Variants in IFT27 observed in about 807,000 individuals in gnomAD.
The protein encoded by IFT27 is intraflagellar transport protein 27 homolog.
IFT27 carries 19 observed loss-of-function variants against 23.9 expected under a neutral mutation model. The observed-to-expected ratio is 0.79, with a 90% CI of 0.55 to 1.16. IFT27 has a LOEUF of 1.16. Ranked by LOEUF, IFT27 falls within the 50% of genes most tolerant of loss-of-function variation. IFT27 has a pLI of 0.00. For synonymous variants in IFT27, 91 were observed against 89.1 expected (o/e 1.02, Z -0.12); for missense variants, 206 against 228.7 (o/e 0.90, Z 0.64).
chr22:36,763,237 G>C, intron 5 of IFT27: 1 of 434,832 alleles, frequency 2.3e-6, no homozygotes, highest in Non-Finnish European at 4.1e-6. Context: ...ACTTCTGCTA[G>C]GTCTTTTTCT....
intron 4 of IFT27, 104 bp from the exon 5 acceptor site, chr22:36,764,140 G>A: frequency 2.5e-6 from 2 of 788,728 alleles, no homozygotes; most frequent in Non-Finnish European, 2.2e-6. Context: ...GGGAGCAGAG[G>A]GAAACAAGAA....
At chr22:36,774,619 C>T (rs1938458560) in intron 1 of IFT27, among the ~76,000 whole-genome samples, 1 of 151,166 alleles carries the variant, frequency 6.6e-6, no homozygotes, top group South Asian at 2.1e-4. Context: ...ACCAGTCTGG[C>T]CAACATGGTG....
Position 36,767,308 on chromosome 22 carries a change from C to T in IFT27, c.172G>A (p.Val58Met), listed in dbSNP as rs1364304927. 1.2e-6 allele frequency: 2 copies of T among 1,613,780 alleles called. No homozygotes were observed. The highest frequency in any genetic ancestry group is 2.2e-5 in the South Asian group (2 of 91,052). The change falls in exon 3 of 7, where the codon GTG (valine) becomes ATG (methionine). Residue 58 changes from valine (V) to methionine (M), a missense_variant and splice_region_variant. By Grantham distance (21) the Val-to-Met change is conservative. Transcript: ENST00000433985. ...TVPVPDTGDSVELFIFDSAGK... is the reference protein window; with the variant it reads ...TVPVPDTGDSMELFIFDSAGK... ...CCCTGGGTAAAGGCATCACTCACCA[C>T]ACTGTCTCCCGTGTCAGGAACTGGC...
At chr22:36,764,173 A>G in intron 4 of IFT27, 137 bp from the exon 5 acceptor site, 1 of 681,332 alleles carries the variant, frequency 1.5e-6, no homozygotes, top group Non-Finnish European at 2.6e-6. Context: ...ACACCCCCAG[A>G]TGTCCAACAA....
intron 1 of IFT27, 96 bp from the exon 2 acceptor site, chr22:36,767,958 A>C (rs1938297074): frequency 1.1e-5 from 12 of 1,140,396 alleles, no homozygotes; most frequent in African/African-American, 1.5e-5. Flanking sequence ...CAAAAACTTC[A>C]ATGAGTTTTG....
intron 6 of IFT27, chr22:36,759,336 G>A (rs560276383): frequency 2.7e-4 from 41 of 152,296 alleles, no homozygotes; most frequent in African/African-American, 9.6e-4. Context: ...ACCCAGGGCT[G>A]GGCACTTTAA....
intron 3 of IFT27, 155 bp from the exon 4 acceptor site, chr22:36,766,352 G>C (rs965094151): frequency 6.1e-6 from 4 of 660,312 alleles, no homozygotes; most frequent in African/African-American, 3.6e-5. Flanking sequence ...AGGCACGAGA[G>C]AAGATGAAGG....
At chr22:36,763,356 A>G in intron 5 of IFT27, 2 of 260,230 alleles carry the variant, frequency 7.7e-6, no homozygotes, top group Non-Finnish European at 1.5e-5. Flanking sequence ...ACACGGAGCA[A>G]ACTGTAAACT....
chr22:36,758,526 C>T (rs1160250165), intron 6 of IFT27, 117 bp from the exon 7 acceptor site: 15 of 772,396 alleles, frequency 1.9e-5, no homozygotes, highest in Admixed American at 1.3e-4. Context: ...TTCATCTTCA[C>T]GCCCTTCGAG....
chr22:36,771,354 T>A (rs762640779), intron 1 of IFT27, among the ~76,000 whole-genome samples: 9 of 152,206 alleles, frequency 5.9e-5, no homozygotes, highest in Non-Finnish European at 1.2e-4. Flanking sequence ...CGAGTAGAGT[T>A]GCTGGTTTTT....
chr22:36,760,947 G>A (rs1326921155), intron 6 of IFT27: 1 of 167,136 alleles, frequency 6.0e-6, no homozygotes, highest in African/African-American at 2.4e-5. Context: ...AAGAGAGGAG[G>A]AGATGAGCTT....
intron 1 of IFT27, chr22:36,772,871 G>T: frequency 2.6e-6 from 2 of 770,224 alleles, no homozygotes; most frequent in Non-Finnish European, 3.2e-6. Flanking sequence ...GTGGGGGTGG[G>T]TGGACAGGTG....
intron 1 of IFT27, chr22:36,768,378 G>A (rs921067006): frequency 3.3e-6 from 1 of 303,372 alleles, no homozygotes; most frequent in Non-Finnish European, 6.5e-6. Flanking sequence ...GAAGTCTGAG[G>A]CTGTGTTCAT....
chr22:36,772,194 T>A (rs1228894049), intron 1 of IFT27, among the ~76,000 whole-genome samples: 4 of 152,224 alleles, frequency 2.6e-5, no homozygotes, highest in Non-Finnish European at 5.9e-5. Flanking sequence ...GCGCACGATG[T>A]GATGTCAGAG....
intron 3 of IFT27, chr22:36,766,411 C>T (rs748047873): frequency 3.2e-4 from 175 of 554,254 alleles, no homozygotes; most frequent in Non-Finnish European, 5.0e-4. Context: ...GACGGGTTCT[C>T]GCACCAACCA....
At chr22:36,765,130 A>G (rs1938211401) in intron 4 of IFT27, among the ~76,000 whole-genome samples, 1 of 151,996 alleles carries the variant, frequency 6.6e-6, no homozygotes, top group African/African-American at 2.4e-5. Flanking sequence ...CCACAGATTA[A>G]CTCTTGAACT....
chr22:36,772,656 A>T, intron 1 of IFT27: 1 of 985,412 alleles, frequency 1.0e-6, no homozygotes, highest in South Asian at 4.7e-5. Context: ...AGTGCAACTG[A>T]CTCATGCTTG....
At chr22:36,761,112 C>G (rs2145913308) in intron 6 of IFT27, 1 of 152,772 alleles carries the variant, frequency 6.5e-6, no homozygotes, top group East Asian at 1.9e-4. Context: ...TTACTGCAGC[C>G]TCTTCAAGAG....
Position 36,772,553 on chromosome 22 carries a change from CCTGGAGGCATTTCCCCGCAT to C in IFT27, c.34+3101_34+3120del, listed in dbSNP as rs542387655. The C allele has an allele frequency of 1.3e-4, 124 of 985,350 alleles. No individual in the cohort carries two copies. In the African/African-American group the frequency reaches 2.1e-3, roughly 17 times the overall value. 61.0% of individuals were successfully genotyped at this position (985,350 alleles called of 1,614,324 possible). A position where few individuals can be genotyped will look rare whatever the true frequency, so the allele number is the denominator to read the frequency against. On this transcript the variant is annotated intron_variant, in intron 1 of 6. Coordinates refer to ENST00000433985, the MANE Select transcript of IFT27 (RefSeq NM_001177701.3). ...AGAACCAGAACAAGTAGCAGCTGTG[CCTGGAGGCATTTCCCCGCAT>C]CTGGCACACAAAGGGCATTCACTTT...
Sources: allele counts gnomAD v4.1 joint callset (sites outside exome capture counted in the v4.1 genomes callset), GRCh38; gene constraint gnomAD v4.1.1; transcripts MANE v1.5; gene names NCBI Gene and HGNC (gene_info 2026-07-23, HGNC 2026-07-21).